UNC13C: variants seen among roughly 807,000 people sequenced by gnomAD.
UNC13C encodes the protein protein unc-13 homolog C.
In UNC13C, 174 loss-of-function variants were observed where a neutral mutation model predicts 245.4. That is an observed-to-expected ratio of 0.71 (90% CI 0.63 to 0.80). The LOEUF is 0.80. Ranked by LOEUF, UNC13C falls within the 30% of genes least tolerant of loss-of-function variation. The pLI is 0.00. For synonymous variants in UNC13C, 992 were observed against 895.1 expected (o/e 1.11, Z -1.93); for missense variants, 2,829 against 2,602.9 (o/e 1.09, Z -1.89).
intron 1 of UNC13C, among the ~76,000 whole-genome samples, chr15:53,985,097 C>T (rs111959741): frequency 0.013 from 1,960 of 151,894 alleles, 57 homozygotes; most frequent in African/African-American, 0.045. Flanking sequence ...TCCCTCCCCT[C>T]AATCCCCACC....
chr15:54,256,007 T>C (rs2036269930), intron 8 of UNC13C, among the ~76,000 whole-genome samples: 1 of 152,208 alleles, frequency 6.6e-6, no homozygotes, highest in African/African-American at 2.4e-5. Flanking sequence ...AGAGGTATTC[T>C]ATATAACATA....
chr15:54,522,724 A>T (rs952246084), intron 24 of UNC13C, among the ~76,000 whole-genome samples: 2 of 152,184 alleles, frequency 1.3e-5, no homozygotes, highest in Non-Finnish European at 2.9e-5. Flanking sequence ...TGAAAACTTT[A>T]TTTTAAATTC....
chr15:54,542,660 T>G (rs1896299960), intron 26 of UNC13C, among the ~76,000 whole-genome samples: 1 of 152,184 alleles, frequency 6.6e-6, no homozygotes, highest in Non-Finnish European at 1.5e-5. Flanking sequence ...CTCTAAGAAC[T>G]TGCTTTATGA....
At chr15:54,056,042 AT>A (rs1286521084) in intron 2 of UNC13C, among the ~76,000 whole-genome samples, 7 of 152,170 alleles carry the variant, frequency 4.6e-5, no homozygotes, top group African/African-American at 1.4e-4. Flanking sequence ...AAGCAAAAAA[AT>A]GTCAAGAAAT....
intron 23 of UNC13C, among the ~76,000 whole-genome samples, chr15:54,508,934 T>C (rs1187439713): frequency 6.6e-6 from 1 of 152,110 alleles, no homozygotes; most frequent in Admixed American, 6.6e-5. Flanking sequence ...GCGCGGTGGC[T>C]CACACCCATA....
chr15:54,560,232 C>CA (rs761375737), intron 29 of UNC13C, among the ~76,000 whole-genome samples: 3 of 151,096 alleles, frequency 2.0e-5, no homozygotes, highest in Non-Finnish European at 3.0e-5. Context: ...GTATATTTAA[C>CA]AAAAAAAGGG....
intron 14 of UNC13C, among the ~76,000 whole-genome samples, chr15:54,328,177 T>A (rs2038345987): frequency 6.6e-6 from 1 of 152,114 alleles, no homozygotes; most frequent in African/African-American, 2.4e-5. Flanking sequence ...TATTTTGTCA[T>A]TGAAAGCATC....
intron 18 of UNC13C, among the ~76,000 whole-genome samples, chr15:54,414,504 G>A (rs551529582): frequency 3.9e-5 from 6 of 152,130 alleles, no homozygotes; most frequent in South Asian, 2.1e-4. Flanking sequence ...AAAATTAGCC[G>A]GGCATGGTGG....
chr15:53,891,237 A>G, the UNC13C span, among the ~76,000 whole-genome samples: 1 of 152,124 alleles, frequency 6.6e-6, no homozygotes, highest in African/African-American at 2.4e-5. Context: ...ACTGTTTGTT[A>G]TGATTTCCAT....
At chr15:54,310,285 G>A (rs1401226692) in intron 13 of UNC13C, among the ~76,000 whole-genome samples, 1 of 151,802 alleles carries the variant, frequency 6.6e-6, no homozygotes, top group Non-Finnish European at 1.5e-5. Flanking sequence ...GAAAAAGTTT[G>A]CCTTGGCTGT....
intron 4 of UNC13C, among the ~76,000 whole-genome samples, chr15:54,192,226 T>C (rs1196218573): frequency 6.6e-6 from 1 of 152,192 alleles, no homozygotes; most frequent in Non-Finnish European, 1.5e-5. Flanking sequence ...AAAAACTTTT[T>C]ATATTTAGGG....
Position 54,338,348 on chromosome 15 carries a change from CTGTCTT to C in UNC13C, c.4585-8_4585-3del. On this transcript the variant is annotated splice_region_variant and splice_polypyrimidine_tract_variant and intron_variant, in intron 16 of 32. Coordinates refer to ENST00000260323, the MANE Select transcript of UNC13C (RefSeq NM_001080534.3). ...CTGTTGCATTTGAGAAAATAAATGTCTGTCTTTGTCAGGTTCTGGAGCTGCAAAGCC... is the reference window on the plus strand; with the variant it reads ...CTGTTGCATTTGAGAAAATAAATGTCTGTCAGGTTCTGGAGCTGCAAAGCC... The C allele has an allele frequency of 6.3e-7, 1 of 1,594,326 alleles. No homozygotes were observed.
At chr15:54,143,249 G>C (rs1897069) in intron 3 of UNC13C, among the ~76,000 whole-genome samples, 55,022 of 151,978 alleles carry the variant, frequency 0.36, 11,241 homozygotes, top group Non-Finnish European at 0.47. Flanking sequence ...GCTTACCTTA[G>C]CTATACTTGC....
At chr15:54,425,597 C>T (rs753110755) in intron 19 of UNC13C, among the ~76,000 whole-genome samples, 7 of 151,786 alleles carry the variant, frequency 4.6e-5, no homozygotes, top group Non-Finnish European at 5.9e-5. Context: ...AATTTATTCA[C>T]CTCCTGAGAA....
chr15:53,932,316 A>G, the UNC13C span, among the ~76,000 whole-genome samples: 15 of 540 alleles, frequency 0.028, no homozygotes, highest in African/African-American at 0.064. Context: ...AAAAATCAAA[A>G]CAACAACAAC....
At chr15:54,230,554 A>G (rs1316388840) in intron 4 of UNC13C, among the ~76,000 whole-genome samples, 3 of 152,062 alleles carry the variant, frequency 2.0e-5, no homozygotes, top group Non-Finnish European at 4.4e-5. Context: ...AACATATGTA[A>G]TTTGTATACT....
chr15:53,950,272 T>G, the UNC13C span, among the ~76,000 whole-genome samples: 1 of 152,182 alleles, frequency 6.6e-6, no homozygotes, highest in Admixed American at 6.6e-5. Context: ...ATGTAGACAA[T>G]AATAGTCCCA....
intron 2 of UNC13C, among the ~76,000 whole-genome samples, chr15:54,124,016 C>T (rs567970676): frequency 3.5e-4 from 54 of 152,228 alleles, no homozygotes; most frequent in African/African-American, 1.3e-3. Context: ...CAAATTATTG[C>T]ATGTATCAAT....
chr15:54,362,011 TA>T (rs5812757), intron 17 of UNC13C, among the ~76,000 whole-genome samples: 152,188 of 152,320 alleles, frequency 1, 76,031 homozygotes, highest in Middle Eastern at 1. Flanking sequence ...TCTGGGTTTG[TA>T]AAAAAATATG....
Sources: allele counts gnomAD v4.1 joint callset (sites outside exome capture counted in the v4.1 genomes callset), GRCh38; gene constraint gnomAD v4.1.1; transcripts MANE v1.5; gene names NCBI Gene and HGNC (gene_info 2026-07-23, HGNC 2026-07-21).